Variants in NDST4 observed in about 807,000 individuals in gnomAD.
NDST4 encodes the protein N-deacetylase and N-sulfotransferase 4, also known as N-heparan sulfate sulfotransferase 4.
Under a neutral mutation model 100.8 loss-of-function variants are expected in NDST4, and 63 were observed. That is an observed-to-expected ratio of 0.62 (90% confidence interval 0.51 to 0.77). The LOEUF (loss-of-function observed/expected upper bound fraction) is 0.77. NDST4 is among the 30% of genes least tolerant of loss of function. The probability of loss-of-function intolerance (pLI) is 0.00; values close to 1 mark genes in which losing one functional copy is unlikely to be tolerated. For missense variants in NDST4, 943 were observed against 1,018.4 expected (o/e 0.93, Z 1.01); for synonymous variants, 377 against 361.8 (o/e 1.04, Z -0.48).
At chr4:115,040,424 G>A (rs1728325851) in intron 2 of NDST4, among the ~76,000 whole-genome samples, 1 of 150,698 alleles carries the variant, frequency 6.6e-6, no homozygotes, top group South Asian at 2.1e-4. Context: ...TTCTAAGACT[G>A]CTGTGTTCAT....
At position 115,031,523 on chromosome 4, in the gene NDST4, C is replaced by T. The variant is rs552938659; in HGVS notation, c.978+44536G>A. The stretch of plus-strand genomic sequence containing the variant: ...TGGGATTATTCCAAGTAAGAGTAAG[C>T]CACCAGTCTTCTTCTCTCTGAACTC... On this transcript the variant is annotated intron_variant, in intron 2 of 13. Coordinates refer to ENST00000264363, the MANE Select transcript of NDST4 (RefSeq NM_022569.3). Among the ~76,000 whole-genome samples, 12 of 152,128 alleles carry T rather than the reference C, an allele frequency of 7.9e-5. No homozygotes were observed. The South Asian group carries it at 2.5e-3, about 32-fold the overall frequency.
intron 7 of NDST4, among the ~76,000 whole-genome samples, chr4:114,862,017 T>C (rs1723928875): frequency 6.6e-6 from 1 of 152,210 alleles, no homozygotes; most frequent in South Asian, 2.1e-4. Flanking sequence ...ATAGTAATTC[T>C]ATGTCAACTA....
In NDST4 at chr4:114,931,062, A is replaced by T. The variant is rs11934279; in HGVS notation, c.1536+4144T>A. 8.3e-3 allele frequency among the ~76,000 whole-genome samples: 1,262 copies of T among 152,182 alleles called. 14 individuals carry two copies. Among genetic ancestry groups the T allele is most frequent in the African/African-American group, 0.024 (1,014 of 41,556 alleles). ...TTTAGAAACTGAAGTAAGTGTGCCT[A>T]CTGAGATCTCCAGCCAGAAGCAAAC... On this transcript the variant is annotated intron_variant, in intron 6 of 13. Transcript: ENST00000264363.
chr4:114,986,800 A>G (rs1401372002), intron 2 of NDST4, among the ~76,000 whole-genome samples: 5 of 23,532 alleles, frequency 2.1e-4, no homozygotes, highest in African/African-American at 4.6e-4. Flanking sequence ...ATACATATAT[A>G]TATATATATA....
intron 1 of NDST4, among the ~76,000 whole-genome samples, chr4:115,102,417 CAAAAG>C (rs1729749118): frequency 1.3e-5 from 2 of 152,070 alleles, no homozygotes; most frequent in African/African-American, 2.4e-5. Flanking sequence ...CAAGAAATCA[CAAAAG>C]AAGTTATTAA....
chr4:114,903,822 T>A (rs535472682), intron 6 of NDST4, among the ~76,000 whole-genome samples: 1 of 152,144 alleles, frequency 6.6e-6, no homozygotes, highest in Non-Finnish European at 1.5e-5. Flanking sequence ...TCACTTGTGA[T>A]CTGAACTCTG....
chr4:114,855,606 ATTCTCTATTCTGT>A (rs1723776388), intron 7 of NDST4, among the ~76,000 whole-genome samples: 2 of 151,752 alleles, frequency 1.3e-5, no homozygotes, highest in Admixed American at 1.3e-4. Flanking sequence ...TTATTTCTGG[ATTCTCTATTCTGT>A]TTCATTGGTC....
intron 2 of NDST4, among the ~76,000 whole-genome samples, chr4:115,031,357 T>C (rs770213106): frequency 2.2e-4 from 34 of 152,088 alleles, no homozygotes; most frequent in Admixed American, 3.9e-4. Flanking sequence ...GGAGATCAAT[T>C]GCTGAGATCA....
At chr4:115,005,590 T>G (rs545262036) in intron 2 of NDST4, among the ~76,000 whole-genome samples, 7 of 152,066 alleles carry the variant, frequency 4.6e-5, no homozygotes, top group African/African-American at 9.6e-5. Flanking sequence ...CATAGTCCAG[T>G]GGGAAAAGGC....
intron 8 of NDST4, 30 bp downstream of exon 8, chr4:114,852,691 AAAGG>A (rs773629034): frequency 8.5e-7 from 1 of 1,174,676 alleles, no homozygotes; most frequent in South Asian, 1.3e-5. Flanking sequence ...ATATTTTTAA[AAAGG>A]ATATAAGTAG....
intron 4 of NDST4, among the ~76,000 whole-genome samples, chr4:114,962,002 A>T (rs758599678): frequency 1.3e-5 from 2 of 152,124 alleles, no homozygotes; most frequent in Non-Finnish European, 2.9e-5. Context: ...ACAAAGTGGG[A>T]TTTATCATAG....
chr4:115,061,561 G>T (rs373563086), intron 2 of NDST4, among the ~76,000 whole-genome samples: 1 of 151,996 alleles, frequency 6.6e-6, no homozygotes, highest in African/African-American at 2.4e-5. Context: ...CTCATAAGTG[G>T]GAGTTGAATA....
intron 6 of NDST4, among the ~76,000 whole-genome samples, chr4:114,890,181 T>C (rs564638890): frequency 2.8e-4 from 43 of 152,280 alleles, no homozygotes; most frequent in African/African-American, 1.0e-3. Context: ...TAGTTAACAA[T>C]GGAAAGCTCT....
intron 2 of NDST4, among the ~76,000 whole-genome samples, chr4:115,053,508 C>T (rs774188341): frequency 6.6e-6 from 1 of 152,058 alleles, no homozygotes; most frequent in Non-Finnish European, 1.5e-5. Context: ...TGTGCAATTT[C>T]ACTGGCCTTT....
At chr4:114,984,990 T>C (rs1435047547) in intron 2 of NDST4, among the ~76,000 whole-genome samples, 1 of 152,196 alleles carries the variant, frequency 6.6e-6, no homozygotes, top group Non-Finnish European at 1.5e-5. Flanking sequence ...CTATAATGTA[T>C]ACATTAACAA....
At chr4:114,885,461 A>C (rs1334394065) in intron 6 of NDST4, among the ~76,000 whole-genome samples, 1 of 152,100 alleles carries the variant, frequency 6.6e-6, no homozygotes, top group African/African-American at 2.4e-5. Context: ...ACAGAGCATT[A>C]ATTTTAATAA....
intron 2 of NDST4, among the ~76,000 whole-genome samples, chr4:115,027,811 T>C (rs1376997885): frequency 6.6e-6 from 1 of 152,128 alleles, no homozygotes; most frequent in Non-Finnish European, 1.5e-5. Flanking sequence ...CCCTGCACTT[T>C]GGGAGGCCAA....
At chr4:115,043,001 C>T (rs1375386803) in intron 2 of NDST4, among the ~76,000 whole-genome samples, 1 of 151,726 alleles carries the variant, frequency 6.6e-6, no homozygotes, top group African/African-American at 2.4e-5. Context: ...TCTTTTGGTA[C>T]TCTGGGAGTT....
intron 6 of NDST4, among the ~76,000 whole-genome samples, chr4:114,888,794 G>A (rs1284683219): frequency 6.6e-6 from 1 of 152,108 alleles, no homozygotes; most frequent in African/African-American, 2.4e-5. Flanking sequence ...CTGGCCATAA[G>A]AAATACGGTA....
Sources: allele counts gnomAD v4.1 joint callset (sites outside exome capture counted in the v4.1 genomes callset), GRCh38; gene constraint gnomAD v4.1.1; transcripts MANE v1.5; gene names NCBI Gene and HGNC (gene_info 2026-07-23, HGNC 2026-07-21).